The following SHISA9 variants were observed in gnomAD, a reference collection of about 807,000 sequenced individuals.
SHISA9 encodes shisa family member 9.
SHISA9 carries 13 observed loss-of-function variants against 38.0 expected under a neutral mutation model. The observed-to-expected ratio is 0.34, with a 90% CI of 0.22 to 0.54. The LOEUF (loss-of-function observed/expected upper bound fraction) is 0.54, where lower values mean the gene tolerates loss of function less well. Among genes scored for constraint, SHISA9 ranks in the 20% least tolerant of loss-of-function variants. SHISA9 has a pLI of 0.91. For missense variants in SHISA9, 538 were observed against 575.8 expected (o/e 0.93, Z 0.67); for synonymous variants, 275 against 242.0 (o/e 1.14, Z -1.27).
intron 2 of SHISA9, among the ~76,000 whole-genome samples, chr16:13,023,616 A>G (rs2072884651): frequency 6.6e-6 from 1 of 152,218 alleles, no homozygotes. Flanking sequence ...CAATGGTTGA[A>G]CTAATTTACA....
the SHISA9 span, among the ~76,000 whole-genome samples, chr16:13,342,565 G>A: frequency 6.6e-6 from 1 of 152,020 alleles, no homozygotes; most frequent in Admixed American, 6.6e-5. Flanking sequence ...GGACTACAGG[G>A]GTGAGCCTCC....
intron 2 of SHISA9, among the ~76,000 whole-genome samples, chr16:13,198,801 T>C (rs964292251): frequency 1.3e-5 from 2 of 152,198 alleles, no homozygotes; most frequent in Non-Finnish European, 2.9e-5. Context: ...AAAATGGCTA[T>C]CTAAAACTGC....
At chr16:13,019,842 C>T (rs1364329673) in intron 2 of SHISA9, among the ~76,000 whole-genome samples, 27 of 63,496 alleles carry the variant, frequency 4.3e-4, no homozygotes, top group East Asian at 6.2e-4. Context: ...CTTTTTCCTT[C>T]CTTCCCTCCC....
At chr16:13,475,194 G>A in the SHISA9 span, among the ~76,000 whole-genome samples, 2 of 152,100 alleles carry the variant, frequency 1.3e-5, no homozygotes, top group Non-Finnish European at 2.9e-5. Context: ...CTGTGTTTTG[G>A]AGGTGGAGTT....
rs184120421 is a variant in SHISA9, at chr16:13,161,492, G to A, written c.692-41902G>A. Among the ~76,000 whole-genome samples the A allele has an allele frequency of 8.0e-4, 121 of 152,162 alleles. 1 individual carries two copies. The highest frequency in any genetic ancestry group is 3.4e-3 in the Middle Eastern group (1 of 294). ...TCTTTCATTTGGGTCTTGACTTTGG[G>A]CATTTTTCTCATCTAAACCCTGGCT... On this transcript the variant is annotated intron_variant, in intron 2 of 4. Coordinates refer to ENST00000558583, the MANE Select transcript of SHISA9 (RefSeq NM_001145204.3).
At chr16:13,163,393 T>C (rs1051247207) in intron 2 of SHISA9, among the ~76,000 whole-genome samples, 2 of 152,172 alleles carry the variant, frequency 1.3e-5, no homozygotes, top group Admixed American at 1.3e-4. Flanking sequence ...TCCATATGAA[T>C]TTTAAAATTA....
the SHISA9 span, among the ~76,000 whole-genome samples, chr16:13,555,692 G>A: frequency 6.6e-6 from 1 of 151,998 alleles, no homozygotes; most frequent in Non-Finnish European, 1.5e-5. Flanking sequence ...AGCATACAGC[G>A]AGTACTGGCC....
intron 2 of SHISA9, among the ~76,000 whole-genome samples, chr16:12,946,685 T>C (rs1476417333): frequency 1.3e-5 from 2 of 152,142 alleles, no homozygotes; most frequent in African/African-American, 4.8e-5. Context: ...TGGCTGGAGG[T>C]TGGGGGCCGA....
chr16:13,196,451 T>C (rs566500098), intron 2 of SHISA9, among the ~76,000 whole-genome samples: 1 of 151,072 alleles, frequency 6.6e-6, no homozygotes, highest in East Asian at 1.9e-4. Flanking sequence ...TATCTGACCC[T>C]GTACCCCTCA....
chr16:13,076,118 C>T (rs1355638990), intron 2 of SHISA9, among the ~76,000 whole-genome samples: 1 of 151,676 alleles, frequency 6.6e-6, no homozygotes, highest in East Asian at 1.9e-4. Flanking sequence ...GCAACCTCCA[C>T]CTCCCATGTT....
the SHISA9 span, among the ~76,000 whole-genome samples, chr16:13,401,511 G>C: frequency 6.6e-6 from 1 of 152,192 alleles, no homozygotes; most frequent in African/African-American, 2.4e-5. Context: ...GACTGTATTT[G>C]AACATATGGT....
intron 2 of SHISA9, among the ~76,000 whole-genome samples, chr16:12,981,854 C>G (rs1022819688): frequency 2.0e-5 from 3 of 152,238 alleles, no homozygotes; most frequent in Middle Eastern, 3.4e-3. Flanking sequence ...AGGGAAAAGA[C>G]TGTGTGAAGA....
At chr16:13,207,415 C>G (rs982078325) in intron 3 of SHISA9, among the ~76,000 whole-genome samples, 6 of 152,068 alleles carry the variant, frequency 3.9e-5, no homozygotes, top group African/African-American at 2.4e-5. Context: ...GTTCATAAAT[C>G]AGGAACTTCT....
the SHISA9 span, among the ~76,000 whole-genome samples, chr16:13,475,836 A>C: frequency 6.6e-6 from 1 of 152,188 alleles, no homozygotes; most frequent in Non-Finnish European, 1.5e-5. Flanking sequence ...TTAGATTTTC[A>C]TAAGGAACAG....
At chr16:13,085,097 A>G (rs1385612046) in intron 2 of SHISA9, among the ~76,000 whole-genome samples, 1 of 152,176 alleles carries the variant, frequency 6.6e-6, no homozygotes, top group Non-Finnish European at 1.5e-5. Flanking sequence ...TTGTAGAAGT[A>G]TCATTCTGAT....
chr16:13,096,141 C>G (rs766238506), intron 2 of SHISA9, among the ~76,000 whole-genome samples: 1 of 152,104 alleles, frequency 6.6e-6, no homozygotes, highest in African/African-American at 2.4e-5. Context: ...GTCTATGAAG[C>G]GCAGATAATC....
At chr16:13,063,729 C>T (rs1181824681) in intron 2 of SHISA9, among the ~76,000 whole-genome samples, 4 of 152,182 alleles carry the variant, frequency 2.6e-5, no homozygotes, top group Non-Finnish European at 5.9e-5. Flanking sequence ...ATAACAGAGA[C>T]ACACACATTG....
chr16:13,089,909 G>C (rs952441831), intron 2 of SHISA9, among the ~76,000 whole-genome samples: 1 of 152,078 alleles, frequency 6.6e-6, no homozygotes, highest in African/African-American at 2.4e-5. Flanking sequence ...GTCAATTTTA[G>C]GTCTTTCCTG....
chr16:12,902,501 C>T lies in SHISA9; in HGVS notation c.437C>T (p.Thr146Ile). The change falls in exon 1 of 5, where the codon ACC becomes ATC. Residue 146 changes from threonine (T) to isoleucine (I), a missense_variant. Coordinates refer to ENST00000558583, the MANE Select transcript of SHISA9 (RefSeq NM_001145204.3). ...AAGGACGACCCCTTGCACGACCCCA[C>T]CAAGGACAAGACCAACCTGATCGTC... ...ARKDDPLHDP[T>I]KDKTNLIVYI... The T allele has an allele frequency of 1.9e-6, 3 of 1,551,620 alleles. No individual in the cohort carries two copies. Among genetic ancestry groups the T allele is most frequent in the Non-Finnish European group, 2.6e-6 (3 of 1,147,004 alleles).
Sources: gnomAD v4.1 joint callset for allele counts (sites outside exome capture counted in the v4.1 genomes callset) on GRCh38, gnomAD v4.1.1 for gene constraint, MANE v1.5 for transcripts, NCBI Gene and HGNC (gene_info 2026-07-23, HGNC 2026-07-21) for gene names.